The following MAST4 variants were observed in gnomAD, a reference collection of about 807,000 sequenced individuals.
MAST4 encodes microtubule-associated serine/threonine-protein kinase 4.
In MAST4, 89 loss-of-function variants were observed where a neutral mutation model predicts 162.7. The observed-to-expected ratio is 0.55, with a 90% CI of 0.46 to 0.65. MAST4 has a LOEUF of 0.65. Among genes scored for constraint, MAST4 ranks in the 30% least tolerant of loss-of-function variants. The pLI, the probability that MAST4 is intolerant of heterozygous loss-of-function variation, is 0.00. For missense variants in MAST4, 3,153 were observed against 3,374.0 expected (o/e 0.93, Z 1.62); for synonymous variants, 1,479 against 1,361.1 (o/e 1.09, Z -1.91).
intron 18 of MAST4, among the ~76,000 whole-genome samples, chr5:67,135,211 AGTT>A (rs1302359578): frequency 2.0e-5 from 3 of 152,354 alleles, no homozygotes; most frequent in African/African-American, 7.2e-5. Context: ...TTTCATTGGT[AGTT>A]GTTATGGCGT....
intron 4 of MAST4, among the ~76,000 whole-genome samples, chr5:66,903,768 C>A (rs1281951708): frequency 6.6e-6 from 1 of 152,158 alleles, no homozygotes; most frequent in Non-Finnish European, 1.5e-5. Context: ...ACTCTGAATG[C>A]CTGTTCTTTG....
chr5:66,640,715 G>A (rs559580857), intron 1 of MAST4, among the ~76,000 whole-genome samples: 1 of 152,306 alleles, frequency 6.6e-6, no homozygotes, highest in African/African-American at 2.4e-5. Flanking sequence ...ATCTCTATGA[G>A]GTGCTGATTT....
At chr5:66,616,492 G>A (rs767063558) in intron 1 of MAST4, among the ~76,000 whole-genome samples, 2 of 152,202 alleles carry the variant, frequency 1.3e-5, no homozygotes, top group African/African-American at 4.8e-5. Context: ...GACATCTGGG[G>A]CAGGTGTCTC....
chr5:66,908,055 G>A (rs149724433), intron 4 of MAST4, among the ~76,000 whole-genome samples: 60 of 152,276 alleles, frequency 3.9e-4, no homozygotes, highest in Non-Finnish European at 7.5e-4. Context: ...ATCGAGTGTC[G>A]CATCTGAATT....
At chr5:66,931,103 AG>A (rs1266120670) in intron 4 of MAST4, 1 of 193,806 alleles carries the variant, frequency 5.2e-6, no homozygotes, top group African/African-American at 2.3e-5. Context: ...AGGCCAAGTC[AG>A]TTTCTAAGTG....
intron 1 of MAST4, among the ~76,000 whole-genome samples, chr5:66,660,535 C>T (rs189568069): frequency 6.6e-6 from 1 of 152,296 alleles, no homozygotes; most frequent in East Asian, 1.9e-4. Flanking sequence ...TGACCATAAC[C>T]GGGACTTACT....
intron 4 of MAST4, among the ~76,000 whole-genome samples, chr5:66,926,196 G>A (rs1341238275): frequency 2.0e-5 from 3 of 152,162 alleles, no homozygotes; most frequent in Non-Finnish European, 4.4e-5. Context: ...CTTATTGGTG[G>A]TGGAGATGGT....
intron 1 of MAST4, chr5:66,662,381 T>G (rs1282401761): frequency 6.6e-6 from 1 of 152,184 alleles, no homozygotes; most frequent in Non-Finnish European, 1.5e-5. Flanking sequence ...AGAGAAAGAG[T>G]TGTCTTTAGA....
chr5:66,696,243 A>G (rs1749391125), intron 1 of MAST4, among the ~76,000 whole-genome samples: 1 of 152,090 alleles, frequency 6.6e-6, no homozygotes, highest in South Asian at 2.1e-4. Context: ...ATAAATAGCT[A>G]AAGCATGCAG....
chr5:66,910,871 C>A (rs1215946883), intron 4 of MAST4, among the ~76,000 whole-genome samples: 1 of 151,828 alleles, frequency 6.6e-6, no homozygotes, highest in Non-Finnish European at 1.5e-5. Context: ...CCTCAGCCTC[C>A]CAAGTAGCTG....
chr5:66,958,019 C>T (rs1745526836), intron 4 of MAST4, among the ~76,000 whole-genome samples: 1 of 152,104 alleles, frequency 6.6e-6, no homozygotes, highest in Non-Finnish European at 1.5e-5. Flanking sequence ...TCAGTTTCTT[C>T]ATCTGTAAAA....
At chr5:66,975,039 G>A (rs768006252) in intron 4 of MAST4, among the ~76,000 whole-genome samples, 37 of 152,142 alleles carry the variant, frequency 2.4e-4, no homozygotes, top group Non-Finnish European at 2.1e-4. Context: ...AGGATTTTGA[G>A]ATGGGGGGAT....
chr5:66,637,858 G>A (rs967844047), intron 1 of MAST4, among the ~76,000 whole-genome samples: 40 of 151,972 alleles, frequency 2.6e-4, no homozygotes, highest in African/African-American at 8.9e-4. Flanking sequence ...CCACAGGCAC[G>A]TGCCACCACA....
At chr5:67,143,760 G>A (rs952837864) in intron 21 of MAST4, among the ~76,000 whole-genome samples, 2 of 152,148 alleles carry the variant, frequency 1.3e-5, no homozygotes, top group Admixed American at 6.5e-5. Context: ...GCTAAGTGTG[G>A]ACTCAGACCA....
At chr5:67,017,092 A>G (rs1753387129) in intron 4 of MAST4, among the ~76,000 whole-genome samples, 1 of 152,226 alleles carries the variant, frequency 6.6e-6, no homozygotes, top group African/African-American at 2.4e-5. Context: ...CTTTGAGAAA[A>G]TTGCTGTGTT....
At chr5:66,855,101 T>A (rs1759580249) in intron 3 of MAST4, among the ~76,000 whole-genome samples, 2 of 152,156 alleles carry the variant, frequency 1.3e-5, no homozygotes, top group Admixed American at 6.5e-5. Flanking sequence ...AAATCTCACG[T>A]TGAAATGTAA....
chr5:66,968,448 G>A (rs1190819479), intron 4 of MAST4, among the ~76,000 whole-genome samples: 2 of 152,152 alleles, frequency 1.3e-5, no homozygotes, highest in Non-Finnish European at 2.9e-5. Context: ...ATGCCATGTT[G>A]CTGGTAGGAT....
chr5:66,661,929 T>A (rs1256918404), intron 1 of MAST4, among the ~76,000 whole-genome samples: 1 of 152,196 alleles, frequency 6.6e-6, no homozygotes, highest in Non-Finnish European at 1.5e-5. Context: ...GTCATAATAT[T>A]CTCTGTTATA....
intron 3 of MAST4, among the ~76,000 whole-genome samples, chr5:66,814,240 A>T (rs963121463): frequency 6.6e-6 from 1 of 152,222 alleles, no homozygotes; most frequent in Non-Finnish European, 1.5e-5. Context: ...TACTTCAAAC[A>T]TTTGGAAAAA....
Sources: allele counts gnomAD v4.1 joint callset (sites outside exome capture counted in the v4.1 genomes callset), GRCh38; gene constraint gnomAD v4.1.1; transcripts MANE v1.5; gene names NCBI Gene and HGNC (gene_info 2026-07-23, HGNC 2026-07-21).